The following WNT8B variants were observed in gnomAD, a reference collection of about 807,000 sequenced individuals.
The protein encoded by WNT8B is Wnt family member 8B, also known as protein Wnt-8b.
In WNT8B, 24 loss-of-function variants were observed where a neutral mutation model predicts 36.6. That is an observed-to-expected ratio of 0.66 (90% CI 0.48 to 0.92). The LOEUF is 0.92. Among genes scored for constraint, WNT8B ranks in the 40% least tolerant of loss-of-function variants. The probability of loss-of-function intolerance (pLI) is 0.00; values close to 1 mark genes in which losing one functional copy is unlikely to be tolerated. For synonymous variants in WNT8B, 199 were observed against 189.8 expected (o/e 1.05, Z -0.40); for missense variants, 402 against 470.8 (o/e 0.85, Z 1.35).
In WNT8B at chr10:100,482,046, G is replaced by C; in HGVS notation, c.502G>C (p.Gly168Arg). 1 of 1,614,154 alleles carries C rather than the reference G, an allele frequency of 6.2e-7. No homozygotes were observed. The highest frequency in any genetic ancestry group is 2.2e-5 in the East Asian group (1 of 44,886). ...AAMNLHNNEA[G>R]RKAVKGTMKR... The stretch of plus-strand genomic sequence containing the variant: ...CATGAACCTGCACAACAACGAGGCT[G>C]GCCGCAAGGTGAGTCCCGCAGCCCT... The change falls in exon 5 of 6, where the codon GGC becomes CGC. Residue 168 changes from glycine to arginine, a missense_variant. This residue lies in a region of WNT8B where 256 missense variants were observed against 278.6 expected (regional missense o/e 0.92). Coordinates refer to ENST00000343737, the MANE Select transcript of WNT8B (RefSeq NM_003393.4). The surrounding 1 kb of genome is among the most constrained non-coding windows in gnomAD (Gnocchi z 6.6).
chr10:100,471,128 T>C (rs1237104976), intron 1 of WNT8B, among the ~76,000 whole-genome samples: 3 of 152,244 alleles, frequency 2.0e-5, no homozygotes, highest in Admixed American at 2.0e-4. Flanking sequence ...TATAGGCTGG[T>C]AGCCTAGGAG....
Position 100,482,181 on chromosome 10 carries a change from GACTA to G in WNT8B, c.511-85_511-82del, listed in dbSNP as rs1281659203. The G allele has an allele frequency of 7.2e-6, 11 of 1,534,974 alleles. No individual in the cohort carries two copies. Among genetic ancestry groups the G allele is most frequent in the Non-Finnish European group, 9.6e-6 (11 of 1,143,650 alleles). ...AGGTACCAAGTGGGCTGGCCCAGTA[GACTA>G]ACTAGACTTCTCGCAACTCCCACAG... is the stretch of plus-strand genomic sequence containing the variant. On this transcript the variant is annotated intron_variant, in intron 5 of 5. Coordinates refer to ENST00000343737, the MANE Select transcript of WNT8B (RefSeq NM_003393.4). The surrounding 1 kb of genome is among the most constrained non-coding windows in gnomAD (Gnocchi z 6.6).
chr10:100,482,348 G>A lies in WNT8B; in HGVS notation c.588G>A (p.Leu196=), dbSNP rs770987664. The A allele has an allele frequency of 1.9e-6, 3 of 1,604,434 alleles. No individual in the cohort carries two copies. The highest frequency in any genetic ancestry group is 1.1e-5 in the South Asian group (1 of 91,044). Residue 196 remains leucine (L), a synonymous_variant, in exon 6 of 6, where the codon CTG becomes CTA. Transcript: ENST00000343737. This position sits in a 1 kb window ranked among gnomAD's most constrained non-coding sequence, Gnocchi z 6.6. ...SGSCTTQTCW[L]QLPEFREVGA... ...GCTGCACCACGCAGACCTGTTGGCT[G>A]CAGCTGCCCGAGTTCCGCGAGGTGG...
chr10:100,465,683 G>A (rs540433004), intron 1 of WNT8B, among the ~76,000 whole-genome samples: 28 of 152,184 alleles, frequency 1.8e-4, no homozygotes, highest in Admixed American at 3.9e-4. Context: ...AAGGTCTGCA[G>A]CAGGAATTTA....
intron 1 of WNT8B, among the ~76,000 whole-genome samples, chr10:100,475,234 TC>T (rs1267736002): frequency 2.6e-5 from 4 of 151,952 alleles, no homozygotes; most frequent in Admixed American, 2.6e-4. Flanking sequence ...AGAGCAAGAC[TC>T]CGTCTCAAAA....
At chr10:100,470,842 AGC>A (rs1850968462) in intron 1 of WNT8B, among the ~76,000 whole-genome samples, 1 of 152,170 alleles carries the variant, frequency 6.6e-6, no homozygotes, top group South Asian at 2.1e-4. Context: ...CCCAGGTTCA[AGC>A]GGATTCTCCT....
intron 1 of WNT8B, among the ~76,000 whole-genome samples, chr10:100,466,095 T>G (rs915712963): frequency 6.6e-6 from 1 of 151,950 alleles, no homozygotes; most frequent in Admixed American, 6.6e-5. Flanking sequence ...CCATATATGA[T>G]CAAGTGAAGA....
chr10:100,482,648 G>A lies in WNT8B; in HGVS notation c.888G>A (p.Leu296=), dbSNP rs749404425. 6.2e-7 allele frequency: 1 copy of A among 1,606,176 alleles called. No homozygotes were observed. ...SCRRLCGDCG[L]AVEERRAETV... ...GCCGGCTCTGCGGGGACTGCGGGCT[G>A]GCGGTGGAGGAGCGCCGGGCCGAGA... The change falls in exon 6 of 6, where the codon CTG becomes CTA. Residue 296 remains leucine, a synonymous_variant. Coordinates refer to ENST00000343737, the MANE Select transcript of WNT8B (RefSeq NM_003393.4). This position sits in a 1 kb window ranked among gnomAD's most constrained non-coding sequence, Gnocchi z 6.6.
In WNT8B at chr10:100,482,772, C is replaced by A. The variant is rs779395445; in HGVS notation, c.1012C>A (p.Arg338=). ...VTKYFCSRAE[R]PRGGAAHKPG... ...CAAGTACTTCTGTAGCCGCGCAGAG[C>A]GGCCGCGGGGGGGCGCTGCGCACAA... is the stretch of plus-strand genomic sequence containing the variant. Residue 338 remains arginine, a synonymous_variant, in exon 6 of 6, where the codon CGG becomes AGG. Coordinates refer to ENST00000343737, the MANE Select transcript of WNT8B (RefSeq NM_003393.4). This position sits in a 1 kb window ranked among gnomAD's most constrained non-coding sequence, Gnocchi z 6.6. The A allele has an allele frequency of 2.5e-6, 4 of 1,585,540 alleles. No homozygotes were observed. In the East Asian group the frequency reaches 6.8e-5, roughly 27 times the overall value.
At position 100,482,827 on chromosome 10, in the gene WNT8B, T is replaced by C. The variant is rs1332013444; in HGVS notation, c.*11T>C. ...GGGAGAAAACCCTAAGGGTTTCCTCTGCCCCCTCCTTTTCCCACTGGTTCT... is the reference window on the plus strand; with the variant it reads ...GGGAGAAAACCCTAAGGGTTTCCTCCGCCCCCTCCTTTTCCCACTGGTTCT... On this transcript the variant is annotated 3_prime_UTR_variant, in exon 6 of 6. Coordinates refer to ENST00000343737, the MANE Select transcript of WNT8B (RefSeq NM_003393.4). This position sits in a 1 kb window ranked among gnomAD's most constrained non-coding sequence, Gnocchi z 6.6. 1 of 1,498,404 alleles carries C rather than the reference T, an allele frequency of 6.7e-7. No homozygotes were observed. Among genetic ancestry groups the C allele is most frequent in the Non-Finnish European group, 8.9e-7 (1 of 1,122,720 alleles). The allele number at this position is 1,498,404 out of a possible 1,614,324, so 92.8% of individuals were successfully genotyped here.
At chr10:100,467,587 A>C (rs1335391133) in intron 1 of WNT8B, among the ~76,000 whole-genome samples, 1 of 152,180 alleles carries the variant, frequency 6.6e-6, no homozygotes, top group Admixed American at 6.5e-5. Context: ...CTTTAGGTTT[A>C]TCGTATCACA....
rs993069518 is a variant in WNT8B, at chr10:100,481,187, G to A, written c.367+64G>A. 2.8e-5 allele frequency: 44 copies of A among 1,588,592 alleles called. 1 individual carries two copies. Among genetic ancestry groups the A allele is most frequent in the Non-Finnish European group, 3.7e-5 (43 of 1,166,506 alleles). ...AACGCACATAAAGAATGAAAAGCCT[G>A]GTGGGGGTGAAGAAGAGCTGTATTC... On this transcript the variant is annotated intron_variant, in intron 4 of 5. Transcript: ENST00000343737.
chr10:100,471,174 G>A (rs1850972913), intron 1 of WNT8B, among the ~76,000 whole-genome samples: 1 of 152,212 alleles, frequency 6.6e-6, no homozygotes, highest in South Asian at 2.1e-4. Context: ...GTGTATAGGA[G>A]GCTATCCATC....
At chr10:100,471,916 C>A (rs375113303) in intron 1 of WNT8B, among the ~76,000 whole-genome samples, 5 of 151,852 alleles carry the variant, frequency 3.3e-5, no homozygotes, top group Non-Finnish European at 7.4e-5. Flanking sequence ...AAAAATATGC[C>A]GGGCGCGGTG....
At chr10:100,481,764 C>A in intron 4 of WNT8B, 148 bp from the exon 5 acceptor site, 2 of 1,139,994 alleles carry the variant, frequency 1.8e-6, no homozygotes, top group Non-Finnish European at 2.4e-6. Context: ...CAAATCTAGA[C>A]GGCAACTGAT....
At chr10:100,463,912 T>C (rs867034560) in intron 1 of WNT8B, among the ~76,000 whole-genome samples, 3 of 152,190 alleles carry the variant, frequency 2.0e-5, no homozygotes, top group African/African-American at 4.8e-5. Context: ...AAGAATATCA[T>C]CACCATTCTC....
At chr10:100,473,620 T>C (rs1005274475) in intron 1 of WNT8B, among the ~76,000 whole-genome samples, 1 of 152,170 alleles carries the variant, frequency 6.6e-6, no homozygotes, top group African/African-American at 2.4e-5. Context: ...CATTCCTTTA[T>C]ATGGTCAAAA....
At position 100,480,007 on chromosome 10, in the gene WNT8B, G is replaced by C. The variant is rs1363072385; in HGVS notation, c.236G>C (p.Arg79Pro). ...CAGCTGTCCAGCCATGGTGGGCTTC[G>C]CAGTGGTAAGAAAAACCTCAGCCAC... The part of the protein sequence containing the change: ...ALQLSSHGGL[R>P]SANRETAFVH... Residue 79 changes from arginine (R) to proline (P), a missense_variant, in exon 3 of 6, where the codon CGC becomes CCC. Physicochemically the swap from Arg to Pro is moderately radical, Grantham distance 103 (BLOSUM62 -2). Coordinates refer to ENST00000343737, the MANE Select transcript of WNT8B (RefSeq NM_003393.4). The C allele has an allele frequency of 1.2e-6, 2 of 1,612,924 alleles. No individual in the cohort carries two copies. Among genetic ancestry groups the C allele is most frequent in the Non-Finnish European group, 8.5e-7 (1 of 1,179,792 alleles).
At chr10:100,468,480 G>C (rs972914443) in intron 1 of WNT8B, among the ~76,000 whole-genome samples, 2 of 152,210 alleles carry the variant, frequency 1.3e-5, no homozygotes, top group Non-Finnish European at 2.9e-5. Context: ...GTGATCCCAG[G>C]CTTTCTGGGA....
Sources: allele counts gnomAD v4.1 joint callset (sites outside exome capture counted in the v4.1 genomes callset), GRCh38; gene constraint gnomAD v4.1.1; regional missense constraint gnomAD v4.1.1; non-coding constraint Gnocchi (gnomAD v3.1); transcripts MANE v1.5; gene names NCBI Gene and HGNC (gene_info 2026-07-23, HGNC 2026-07-21).